AOX1: variants seen among roughly 807,000 people sequenced by gnomAD.
AOX1 encodes the protein aldehyde oxidase 1.
A neutral mutation model predicts 169.5 loss-of-function variants in AOX1; 153 were observed. The observed-to-expected ratio is 0.90, with a 90% confidence interval of 0.79 to 1.03. The LOEUF is 1.03. Ranked by LOEUF, AOX1 falls within the 50% of genes least tolerant of loss-of-function variation. AOX1 has a pLI of 0.00. For synonymous variants in AOX1, 562 were observed against 581.9 expected (o/e 0.97, Z 0.49); for missense variants, 1,656 against 1,663.9 (o/e 1.00, Z 0.08).
chr2:200,652,648 G>T (rs566133491), intron 26 of AOX1, among the ~76,000 whole-genome samples: 1 of 152,186 alleles, frequency 6.6e-6, no homozygotes, highest in Non-Finnish European at 1.5e-5. Context: ...ATCCTCTCAC[G>T]TTTGGCCGTG....
chr2:200,653,690 T>C (rs775998302), intron 26 of AOX1, among the ~76,000 whole-genome samples: 9 of 152,238 alleles, frequency 5.9e-5, no homozygotes, highest in Admixed American at 5.2e-4. Flanking sequence ...TACCTTGTTT[T>C]ACTGCACTCT....
intron 32 of AOX1, among the ~76,000 whole-genome samples, chr2:200,667,357 A>G (rs2035940350): frequency 6.6e-6 from 1 of 152,098 alleles, no homozygotes; most frequent in East Asian, 1.9e-4. Context: ...ACCCACCTGG[A>G]ATCTTCATAT....
At chr2:200,679,661 C>G (rs539523969), downstream of AOX1, among the ~76,000 whole-genome samples, 58 of 152,180 alleles carry the variant, frequency 3.8e-4, no homozygotes, top group Non-Finnish European at 6.9e-4. Flanking sequence ...GTGACGCCCC[C>G]CCCCGAGTCT....
chr2:200,639,397 G>A (rs2035307808), intron 23 of AOX1, among the ~76,000 whole-genome samples: 1 of 152,172 alleles, frequency 6.6e-6, no homozygotes, highest in Admixed American at 6.5e-5. Context: ...CTAACTGTAA[G>A]GGAGGCTGGG....
chr2:200,622,559 C>G (rs1320719749), intron 18 of AOX1, among the ~76,000 whole-genome samples: 1 of 152,186 alleles, frequency 6.6e-6, no homozygotes, highest in South Asian at 2.1e-4. Flanking sequence ...AAGGTTGAAA[C>G]TCCCCCAAAG....
Position 200,651,217 on chromosome 2 carries a change from G to A in AOX1, c.3075+16G>A, listed in dbSNP as rs1048566657. On this transcript the variant is annotated intron_variant, in intron 26 of 34. Coordinates refer to ENST00000374700, the MANE Select transcript of AOX1 (RefSeq NM_001159.4). ...TGCTGGTCAGGTGAGTTCTCCAAAT[G>A]CACATGAGGATGCTGCCTGGAAGCA... is the stretch of plus-strand genomic sequence containing the variant. 15 of 1,607,752 alleles carry A rather than the reference G, an allele frequency of 9.3e-6. No homozygotes were observed. The highest frequency in any genetic ancestry group is 2.7e-5 in the African/African-American group (2 of 74,788).
chr2:200,678,756 A>G (rs2105784527), downstream of AOX1: 1 of 151,574 alleles, frequency 6.6e-6, no homozygotes, highest in Non-Finnish European at 1.5e-5. Flanking sequence ...TGGATACTGC[A>G]ATTTCTCTTG....
In AOX1 at chr2:200,613,832, G is replaced by A. The variant is rs765612875; in HGVS notation, c.1477G>A (p.Ala493Thr). The A allele has an allele frequency of 6.2e-7, 1 of 1,612,546 alleles. No homozygotes were observed. The highest frequency in any genetic ancestry group is 1.7e-5 in the Admixed American group (1 of 60,000). The change falls in exon 15 of 35, where the codon GCC becomes ACC. Residue 493 changes from alanine (A) to threonine (T), a missense_variant. Transcript: ENST00000374700. The part of the protein sequence containing the change: ...RHWNEQMLDI[A>T]CRLILNEVSL... ...CTGGAACGAACAGATGCTGGATATA[G>A]CCTGCAGGCTTATTCTGAATGAAGT...
intron 19 of AOX1, among the ~76,000 whole-genome samples, chr2:200,626,958 A>T (rs571379910): frequency 1.3e-5 from 2 of 152,234 alleles, no homozygotes; most frequent in Non-Finnish European, 2.9e-5. Context: ...CAAAGCTGGT[A>T]AGTGGGAAAA....
intron 2 of AOX1, among the ~76,000 whole-genome samples, chr2:200,594,852 A>C (rs1160185320): frequency 6.6e-6 from 1 of 152,220 alleles, no homozygotes; most frequent in East Asian, 1.9e-4. Flanking sequence ...AGAAATACAC[A>C]AACATGGCTA....
intron 15 of AOX1, among the ~76,000 whole-genome samples, chr2:200,615,471 C>T (rs778269279): frequency 6.6e-6 from 1 of 152,160 alleles, no homozygotes; most frequent in Non-Finnish European, 1.5e-5. Flanking sequence ...TTGCTGGGGA[C>T]CAGAATCCTT....
chr2:200,598,099 C>A (rs137939746), intron 4 of AOX1, among the ~76,000 whole-genome samples: 1 of 149,734 alleles, frequency 6.7e-6, no homozygotes, highest in Non-Finnish European at 1.5e-5. Flanking sequence ...TGAGTGAGAC[C>A]CTGTTGTAAG....
rs150828500 is a variant in AOX1, at chr2:200,669,648, G to T, written c.3872G>T (p.Arg1291Leu). 1 of 1,613,996 alleles carries T rather than the reference G, an allele frequency of 6.2e-7. No homozygotes were observed. Among genetic ancestry groups the T allele is most frequent in the East Asian group, 2.2e-5 (1 of 44,872 alleles). Residue 1291 changes from arginine (R) to leucine (L), a missense_variant, in exon 34 of 35, where the codon CGA becomes CTA. Arg to Leu is a moderately radical substitution (Grantham distance 102, BLOSUM62 -2). Coordinates refer to ENST00000374700, the MANE Select transcript of AOX1 (RefSeq NM_001159.4). ...FAIHDAVSAA[R>L]QERGLHGPLT... Reference sequence around the variant, plus strand: ...ATCCATGACGCAGTGAGTGCAGCACGACAGGAGAGAGGCCTGCATGGACCC... The same window carrying T: ...ATCCATGACGCAGTGAGTGCAGCACTACAGGAGAGAGGCCTGCATGGACCC...
At chr2:200,654,223 A>C (rs1368162669) in intron 26 of AOX1, among the ~76,000 whole-genome samples, 1 of 151,218 alleles carries the variant, frequency 6.6e-6, no homozygotes, top group Admixed American at 6.6e-5. Flanking sequence ...AAAAAAAAAA[A>C]AAAAAAAAAA....
At position 200,603,497 on chromosome 2, in the gene AOX1, T is replaced by G. The variant is rs1306117890; in HGVS notation, c.588+141T>G. On this transcript the variant is annotated intron_variant, in intron 7 of 34. Coordinates refer to ENST00000374700, the MANE Select transcript of AOX1 (RefSeq NM_001159.4). ...TGCCCTCTCCCATTCTCACTCCATC[T>G]CTCTATAAAAAAAAATTATATCGCA... 6.7e-6 allele frequency: 4 copies of G among 597,932 alleles called. No homozygotes were observed. The Admixed American group carries it at 1.3e-4, about 20-fold the overall frequency. The allele number at this position is 597,932 out of a possible 1,614,324, so 37.0% of individuals were successfully genotyped here.
At position 200,605,535 on chromosome 2, in the gene AOX1, G is replaced by C; in HGVS notation, c.815-1G>C. 3 of 1,496,216 alleles carry C rather than the reference G, an allele frequency of 2.0e-6. No individual in the cohort carries two copies. The highest frequency in any genetic ancestry group is 2.7e-6 in the Non-Finnish European group (3 of 1,117,716). 92.7% of individuals were successfully genotyped at this position (1,496,216 alleles called of 1,614,324 possible). On this transcript the variant is annotated splice_acceptor_variant, in intron 9 of 34. Coordinates refer to ENST00000374700, the MANE Select transcript of AOX1 (RefSeq NM_001159.4). LOFTEE classifies it high-confidence loss of function. ...ATTTTTTTTTTTTTTTGATCCTTTA[G>C]GGCCTGAAGTGAAATTTAAAGGCGT...
chr2:200,628,445 C>T (rs191561512), intron 20 of AOX1, among the ~76,000 whole-genome samples: 6 of 152,290 alleles, frequency 3.9e-5, no homozygotes, highest in Admixed American at 2.0e-4. Context: ...ATGCTTTCCC[C>T]GCCACACTCT....
At position 200,611,410 on chromosome 2, in the gene AOX1, G is replaced by T. The variant is rs764650577; in HGVS notation, c.1180G>T (p.Glu394Ter). ...KEGKRQIPLN[E>*]QFLSKCPNAD... ...AGGAAAACGACAGATTCCTTTAAATGAGCAATTCCTCAGCAAGTGCCCTAA... is the reference window on the plus strand; with the variant it reads ...AGGAAAACGACAGATTCCTTTAAATTAGCAATTCCTCAGCAAGTGCCCTAA... The change falls in exon 13 of 35, where the codon GAG becomes TAG. Residue 394 changes from glutamate (E) to a stop codon, truncating the protein, a stop_gained. Coordinates refer to ENST00000374700, the MANE Select transcript of AOX1 (RefSeq NM_001159.4). LOFTEE classifies it high-confidence loss of function. 1.2e-5 allele frequency: 20 copies of T among 1,613,672 alleles called. 1 individual carries two copies. In the South Asian group the frequency reaches 2.2e-4, roughly 18 times the overall value.
chr2:200,593,485 T>TA (rs34423504), intron 2 of AOX1, among the ~76,000 whole-genome samples: 113,597 of 152,050 alleles, frequency 0.75, 42,576 homozygotes, highest in East Asian at 0.81. Flanking sequence ...CCTTTAGAAT[T>TA]AGAGTCACAA....
Sources: gnomAD v4.1 joint callset for allele counts (sites outside exome capture counted in the v4.1 genomes callset) on GRCh38, gnomAD v4.1.1 for gene constraint, MANE v1.5 for transcripts, NCBI Gene and HGNC (gene_info 2026-07-23, HGNC 2026-07-21) for gene names.